Variants in CLSTN2 observed in about 807,000 individuals in gnomAD.
CLSTN2 encodes the protein calsyntenin 2, also known as calsyntenin-2.
CLSTN2 carries 48 observed loss-of-function variants against 101.2 expected under a neutral mutation model. That is an observed-to-expected ratio of 0.47 (90% CI 0.38 to 0.60). The LOEUF (loss-of-function observed/expected upper bound fraction) is 0.60, where lower values mean the gene tolerates loss of function less well. Among genes scored for constraint, CLSTN2 ranks in the 20% least tolerant of loss-of-function variants. The probability of loss-of-function intolerance (pLI) is 0.00; values close to 1 mark genes in which losing one functional copy is unlikely to be tolerated. For synonymous variants in CLSTN2, 481 were observed against 463.6 expected, an observed-to-expected ratio of 1.04 and a Z score of -0.48; for missense variants, 1,160 against 1,238.2, an observed-to-expected ratio of 0.94 and a Z score of 0.95.
chr3:140,363,602 ACCCGG>A (rs2087753365), intron 2 of CLSTN2, among the ~76,000 whole-genome samples: 1 of 59,948 alleles, frequency 1.7e-5, no homozygotes, highest in Non-Finnish European at 5.8e-5. Flanking sequence ...AGTCAGAGGG[ACCCGG>A]TAGGCACTTA....
At chr3:140,175,189 T>C (rs2010304799) in intron 1 of CLSTN2, among the ~76,000 whole-genome samples, 1 of 152,192 alleles carries the variant, frequency 6.6e-6, no homozygotes, top group Non-Finnish European at 1.5e-5. Context: ...AGATTCTAAG[T>C]GTTAGGATAT....
intron 1 of CLSTN2, among the ~76,000 whole-genome samples, chr3:140,049,524 G>C (rs374228485): frequency 1.3e-5 from 2 of 152,280 alleles, no homozygotes; most frequent in South Asian, 2.1e-4. Flanking sequence ...CCTGAGGGGG[G>C]ACTATTACCT....
chr3:140,156,281 G>T (rs570968080), intron 1 of CLSTN2, among the ~76,000 whole-genome samples: 13 of 152,244 alleles, frequency 8.5e-5, no homozygotes, highest in African/African-American at 3.1e-4. Context: ...CTGTTCACTT[G>T]TTCTACGATG....
intron 2 of CLSTN2, among the ~76,000 whole-genome samples, chr3:140,367,109 C>T (rs572423179): frequency 2.0e-5 from 3 of 152,294 alleles, no homozygotes; most frequent in Admixed American, 2.0e-4. Context: ...TGAAGGGGTG[C>T]TTTAGACACC....
At chr3:140,515,648 T>TATTTA (rs1452605972) in intron 8 of CLSTN2, among the ~76,000 whole-genome samples, 1 of 152,178 alleles carries the variant, frequency 6.6e-6, no homozygotes, top group Non-Finnish European at 1.5e-5. Context: ...AGGAGCAGGT[T>TATTTA]ATTTAATTTC....
intron 1 of CLSTN2, among the ~76,000 whole-genome samples, chr3:139,997,398 A>G (rs903801400): frequency 6.6e-6 from 1 of 152,252 alleles, no homozygotes; most frequent in South Asian, 2.1e-4. Context: ...TGAGATAAAG[A>G]TGCAATTGCA....
At chr3:140,154,897 G>T (rs1237527075) in intron 1 of CLSTN2, among the ~76,000 whole-genome samples, 2 of 152,086 alleles carry the variant, frequency 1.3e-5, no homozygotes, top group Non-Finnish European at 2.9e-5. Context: ...GCCCGCCTCA[G>T]CCTGGGAAGT....
At chr3:140,087,255 G>C (rs193236134) in intron 1 of CLSTN2, among the ~76,000 whole-genome samples, 82 of 152,260 alleles carry the variant, frequency 5.4e-4, no homozygotes, top group Admixed American at 4.6e-3. Flanking sequence ...AGACTGAATT[G>C]TTTCCCTTAA....
At chr3:140,160,354 A>G (rs2010025929) in intron 1 of CLSTN2, among the ~76,000 whole-genome samples, 1 of 152,106 alleles carries the variant, frequency 6.6e-6, no homozygotes, top group Non-Finnish European at 1.5e-5. Context: ...TGCATTTATC[A>G]TGCTTATAGG....
intron 1 of CLSTN2, among the ~76,000 whole-genome samples, chr3:140,038,352 A>G (rs1318221683): frequency 6.6e-6 from 1 of 151,854 alleles, no homozygotes; most frequent in Non-Finnish European, 1.5e-5. Context: ...TCTTTTTTTG[A>G]TAAGTGTCTG....
intron 10 of CLSTN2, among the ~76,000 whole-genome samples, chr3:140,552,074 T>C (rs1026989149): frequency 6.6e-6 from 1 of 152,088 alleles, no homozygotes; most frequent in African/African-American, 2.4e-5. Context: ...TATCAAGTCA[T>C]AGCCAGCCTT....
intron 1 of CLSTN2, among the ~76,000 whole-genome samples, chr3:140,079,496 T>A (rs1464615169): frequency 6.6e-6 from 1 of 152,130 alleles, no homozygotes; most frequent in African/African-American, 2.4e-5. Context: ...ACACCTGTAA[T>A]CCCAGCACTT....
chr3:140,190,157 C>CT (rs367994449), intron 2 of CLSTN2, among the ~76,000 whole-genome samples: 3 of 152,262 alleles, frequency 2.0e-5, no homozygotes, highest in African/African-American at 7.2e-5. Flanking sequence ...CTAATACTAT[C>CT]ACCTGGGGGA....
chr3:140,383,490 C>T (rs2088015305), intron 2 of CLSTN2, among the ~76,000 whole-genome samples: 1 of 152,144 alleles, frequency 6.6e-6, no homozygotes, highest in African/African-American at 2.4e-5. Context: ...CAAAAACATA[C>T]CATGCAGACT....
At chr3:140,183,463 A>C (rs2010438773) in intron 2 of CLSTN2, among the ~76,000 whole-genome samples, 1 of 152,202 alleles carries the variant, frequency 6.6e-6, no homozygotes, top group Non-Finnish European at 1.5e-5. Context: ...AAGCAGTTGA[A>C]TGTAGGAATT....
At chr3:140,216,774 G>C (rs1357726250) in intron 2 of CLSTN2, among the ~76,000 whole-genome samples, 1 of 152,132 alleles carries the variant, frequency 6.6e-6, no homozygotes, top group Non-Finnish European at 1.5e-5. Context: ...ACAGATATTA[G>C]GTTTTGGTGG....
chr3:140,062,877 G>A lies in CLSTN2; in HGVS notation c.110-113074G>A, dbSNP rs185297604. Among the ~76,000 whole-genome samples the A allele has an allele frequency of 9.9e-5, 15 of 152,152 alleles. No homozygotes were observed. The East Asian group carries it at 2.7e-3, about 27-fold the overall frequency. On this transcript the variant is annotated intron_variant, in intron 1 of 16. Coordinates refer to ENST00000458420, the MANE Select transcript of CLSTN2 (RefSeq NM_022131.3). The stretch of plus-strand genomic sequence containing the variant: ...GGGGTCTCTGTAGCAGTCTGATGAA[G>A]CCCCTATGTACATTATCTCAGCATA...
intron 2 of CLSTN2, among the ~76,000 whole-genome samples, chr3:140,332,350 C>A (rs1403697292): frequency 6.6e-6 from 1 of 152,162 alleles, no homozygotes; most frequent in Non-Finnish European, 1.5e-5. Flanking sequence ...GAGGGGTGAG[C>A]AAGGTCCTAT....
chr3:140,051,960 G>A (rs939707135), intron 1 of CLSTN2, among the ~76,000 whole-genome samples: 4 of 152,192 alleles, frequency 2.6e-5, no homozygotes, highest in Non-Finnish European at 5.9e-5. Context: ...TGCAGGGCAG[G>A]CTGAGCTGCT....
Sources: allele counts gnomAD v4.1 joint callset (sites outside exome capture counted in the v4.1 genomes callset), GRCh38; gene constraint gnomAD v4.1.1; transcripts MANE v1.5; gene names NCBI Gene and HGNC (gene_info 2026-07-23, HGNC 2026-07-21).